The following SSR2 variants were observed in gnomAD, a reference collection of about 807,000 sequenced individuals.
The protein encoded by SSR2 is translocon-associated protein subunit beta.
A neutral mutation model predicts 22.6 loss-of-function variants in SSR2; 16 were observed. The observed-to-expected ratio is 0.71, with a 90% CI of 0.48 to 1.08. SSR2 has a LOEUF of 1.08. Among genes scored for constraint, SSR2 ranks in the 50% least tolerant of loss-of-function variants. The pLI is 0.00. For missense variants in SSR2, 171 were observed against 221.6 expected (o/e 0.77, Z 1.45); for synonymous variants, 83 against 91.2 (o/e 0.91, Z 0.51).
intron 3 of SSR2, among the ~76,000 whole-genome samples, chr1:156,016,734 G>A (rs184220028): frequency 6.6e-5 from 10 of 152,262 alleles, no homozygotes; most frequent in Admixed American, 2.6e-4. Context: ...CCCAATGTTG[G>A]AGGAGGGGCC....
At chr1:156,016,874 G>A (rs1262822218) in intron 3 of SSR2, among the ~76,000 whole-genome samples, 1 of 152,142 alleles carries the variant, frequency 6.6e-6, no homozygotes, top group Non-Finnish European at 1.5e-5. Flanking sequence ...CTCCAGACAT[G>A]TAAGACGTGC....
At position 156,009,543 on chromosome 1, in the gene SSR2, GTTC is replaced by G. The variant is rs765677627; in HGVS notation, c.546_548del (p.Lys182del). 1.2e-5 allele frequency: 19 copies of G among 1,611,200 alleles called. No individual in the cohort carries two copies. The highest frequency in any genetic ancestry group is 1.7e-5 in the Admixed American group (1 of 59,856). ...AGGAGGGCTGTGGAAGCCCCAATCA[GTTC>G]TTCTTCGTTTTGGGAGTGTCATATT... On this transcript the variant is annotated inframe_deletion, in exon 6 of 6. Coordinates refer to ENST00000295702, the MANE Select transcript of SSR2 (RefSeq NM_003145.4).
At chr1:156,020,731 G>C (rs1009652985) in intron 1 of SSR2, 157 bp downstream of exon 1, 1 of 372,246 alleles carries the variant, frequency 2.7e-6, no homozygotes, top group Non-Finnish European at 5.6e-6. Flanking sequence ...AATCACCTCT[G>C]CCCCCCGCCT....
intron 4 of SSR2, chr1:156,013,615 A>C (rs1683009698): frequency 6.5e-6 from 1 of 153,452 alleles, no homozygotes; most frequent in African/African-American, 2.4e-5. Context: ...ATAAGGACTG[A>C]GTTGGGGGAG....
intron 5 of SSR2, chr1:156,010,727 C>G (rs1017566424): frequency 1.3e-5 from 2 of 152,302 alleles, no homozygotes; most frequent in African/African-American, 2.4e-5. Context: ...CACCTATGAT[C>G]TAACCCTTGT....
At chr1:156,009,741 G>T in intron 5 of SSR2, 91 bp from the exon 6 acceptor site, 1 of 789,064 alleles carries the variant, frequency 1.3e-6, no homozygotes, top group Non-Finnish European at 2.0e-6. Context: ...AAAGGGAGCA[G>T]TCTAGCCCAA....
At chr1:156,019,573 C>T (rs1042410618) in intron 2 of SSR2, among the ~76,000 whole-genome samples, 1 of 152,058 alleles carries the variant, frequency 6.6e-6, no homozygotes, top group Non-Finnish European at 1.5e-5. Context: ...TTAGTAGTGA[C>T]AGGGTTTTGC....
intron 5 of SSR2, 42 bp from the exon 6 acceptor site, chr1:156,009,692 G>T: frequency 7.1e-7 from 1 of 1,401,878 alleles, no homozygotes; most frequent in Non-Finnish European, 9.9e-7. Flanking sequence ...GTCTGGATTA[G>T]GGCACAGGAG....
chr1:156,012,785 T>C (rs1682996962), intron 4 of SSR2: 1 of 310,064 alleles, frequency 3.2e-6, no homozygotes, highest in African/African-American at 2.2e-5. Flanking sequence ...AATTTATACA[T>C]TTATTTGGCT....
intron 1 of SSR2, 136 bp downstream of exon 1, chr1:156,020,752 G>A: frequency 5.2e-6 from 2 of 388,188 alleles, no homozygotes; most frequent in South Asian, 1.9e-5. Context: ...CCCGCCTCTT[G>A]CAAGGTTACA....
intron 5 of SSR2, chr1:156,011,481 A>G (rs1204844331): frequency 5.6e-6 from 1 of 178,820 alleles, no homozygotes; most frequent in East Asian, 1.4e-4. Context: ...TTCCCACTTA[A>G]CCTACCCAAT....
chr1:156,017,379 T>C (rs181040775), intron 3 of SSR2, among the ~76,000 whole-genome samples: 1 of 152,232 alleles, frequency 6.6e-6, no homozygotes, highest in Admixed American at 6.5e-5. Flanking sequence ...TGAGACAGAG[T>C]CTTGCTGTCG....
At chr1:156,016,894 C>T (rs1350753814) in intron 3 of SSR2, among the ~76,000 whole-genome samples, 1 of 152,160 alleles carries the variant, frequency 6.6e-6, no homozygotes, top group Non-Finnish European at 1.5e-5. Flanking sequence ...CCTATTTTCC[C>T]TTTGCCTTCT....
chr1:156,011,605 T>C (rs148469735), intron 5 of SSR2: 5 of 440,522 alleles, frequency 1.1e-5, no homozygotes, highest in Admixed American at 1.0e-4. Flanking sequence ...GTCAGTTTTA[T>C]GGTTTTGGCA....
At chr1:156,011,909 C>A in intron 4 of SSR2, 22 bp from the exon 5 acceptor site, 4 of 1,599,890 alleles carry the variant, frequency 2.5e-6, no homozygotes, top group Non-Finnish European at 3.4e-6. Context: ...AAAAGAACGA[C>A]ATTAAGGGAA....
At chr1:156,020,204 G>A in intron 1 of SSR2, 37 bp from the exon 2 acceptor site, 1 of 1,610,060 alleles carries the variant, frequency 6.2e-7, no homozygotes, top group Non-Finnish European at 8.5e-7. Context: ...ATCAAACCAA[G>A]TACGTCAAAT....
chr1:156,010,339 G>A (rs1682962373), intron 5 of SSR2: 1 of 152,044 alleles, frequency 6.6e-6, no homozygotes, highest in African/African-American at 2.4e-5. Context: ...TTACAGGTGT[G>A]AGCCACAACA....
intron 3 of SSR2, 56 bp downstream of exon 3, chr1:156,018,214 G>T (rs1683088776): frequency 7.3e-7 from 1 of 1,365,138 alleles, no homozygotes; most frequent in Non-Finnish European, 1.0e-6. Flanking sequence ...CTGCTGCTTT[G>T]CAGGCAAGGC....
chr1:156,011,954 A>G, intron 4 of SSR2, 67 bp from the exon 5 acceptor site: 1 of 1,306,958 alleles, frequency 7.7e-7, no homozygotes. Flanking sequence ...ATCTACTCTG[A>G]GAAAGGGCAG....
Sources: gnomAD v4.1 joint callset for allele counts (sites outside exome capture counted in the v4.1 genomes callset) on GRCh38, gnomAD v4.1.1 for gene constraint, MANE v1.5 for transcripts, NCBI Gene and HGNC (gene_info 2026-07-23, HGNC 2026-07-21) for gene names.